The following WDFY4 variants were observed in gnomAD, a reference collection of about 807,000 sequenced individuals.
WDFY4 encodes WDFY family member 4, also known as WD repeat- and FYVE domain-containing protein 4.
A neutral mutation model predicts 351.9 loss-of-function variants in WDFY4; 169 were observed. The ratio of observed to expected loss-of-function variants is 0.48; its 90% confidence interval spans 0.42 to 0.55. The LOEUF is 0.55. WDFY4 is among the 20% of genes least tolerant of loss of function. WDFY4 has a pLI of 0.00. For synonymous variants in WDFY4, 1,622 were observed against 1,574.6 expected, an observed-to-expected ratio of 1.03 and a Z score of -0.71; for missense variants, 3,803 against 3,935.6, an observed-to-expected ratio of 0.97 and a Z score of 0.90.
Position 48,778,688 on chromosome 10 carries a change from A to G in WDFY4, c.3253A>G (p.Thr1085Ala). Residue 1085 changes from threonine (T) to alanine (A), a missense_variant, in exon 18 of 62, where the codon ACT (threonine) becomes GCT (alanine). Thr to Ala is a moderately conservative substitution (Grantham distance 58). Coordinates refer to ENST00000325239, the MANE Select transcript of WDFY4 (RefSeq NM_001394531.1). ...CCTGATCAGCCGGCATGGAGCTGCCACTGAGGGCCACCCGCTGCGCTTCCT... is the reference window on the plus strand; with the variant it reads ...CCTGATCAGCCGGCATGGAGCTGCCGCTGAGGGCCACCCGCTGCGCTTCCT... ...WFLISRHGAA[T>A]EGHPLRFLTL... is the part of the protein sequence containing the mutation. The G allele has an allele frequency of 6.4e-7, 1 of 1,551,656 alleles. No homozygotes were observed.
rs569705419 is a variant in WDFY4 at position 48,721,201 on chromosome 10, A to G, written c.350-60A>G. ...ATCTCCTGGGAAGAGGGGGCCCTGG[A>G]TGGAGGGGAAGCTGAGTGGGCAGGT... On this transcript the variant is annotated intron_variant, in intron 3 of 61. Coordinates refer to ENST00000325239, the MANE Select transcript of WDFY4 (RefSeq NM_001394531.1). The G allele has an allele frequency of 3.6e-5, 54 of 1,493,558 alleles. No homozygotes were observed. In the East Asian group the frequency reaches 1.2e-3, roughly 32 times the overall value. 92.5% of individuals were successfully genotyped at this position (1,493,558 alleles called of 1,614,324 possible). A position where few individuals can be genotyped will look rare whatever the true frequency, so the allele number is the denominator to read the frequency against.
At chr10:48,759,974 CTG>C (rs563011825) in intron 12 of WDFY4, among the ~76,000 whole-genome samples, 92 of 149,424 alleles carry the variant, frequency 6.2e-4, no homozygotes, top group Admixed American at 1.2e-3. Flanking sequence ...ACCCAGAAGC[CTG>C]TGTGTGTGTG....
At chr10:48,732,704 G>A (rs1188822287) in intron 9 of WDFY4, among the ~76,000 whole-genome samples, 1 of 152,218 alleles carries the variant, frequency 6.6e-6, no homozygotes, top group African/African-American at 2.4e-5. Context: ...TTTTAACGAG[G>A]GAATCTCTGA....
intron 39 of WDFY4, among the ~76,000 whole-genome samples, chr10:48,837,725 G>A (rs1483644793): frequency 1.3e-5 from 2 of 152,162 alleles, no homozygotes; most frequent in Non-Finnish European, 2.9e-5. Context: ...AGAGGAATGG[G>A]GTTGAGAGTA....
chr10:48,781,318 T>C (rs1361766346), intron 19 of WDFY4, among the ~76,000 whole-genome samples: 1 of 151,870 alleles, frequency 6.6e-6, no homozygotes, highest in Non-Finnish European at 1.5e-5. Context: ...TTTTTTGAGA[T>C]AGGATTTCGC....
rs2064202189 is a variant in WDFY4 at position 48,724,586 on chromosome 10, G to A, written c.591+1019G>A. Among the ~76,000 whole-genome samples, 4 of 152,106 alleles carry A rather than the reference G, an allele frequency of 2.6e-5. No individual in the cohort carries two copies. The South Asian group carries it at 8.3e-4, about 31-fold the overall frequency. On this transcript the variant is annotated intron_variant, in intron 5 of 61. Transcript: ENST00000325239. ...GGGAAGTAGTGCAGGGTCTGTCTTC[G>A]AGGTCTTCTGGGTATGTGGACAGAA...
rs1260697308 is a variant in WDFY4 at position 48,970,289 on chromosome 10, G to A, written c.8928G>A (p.Gln2976=). The change falls in exon 57 of 62, where the codon CAG becomes CAA. Residue 2976 remains glutamine, a splice_region_variant and synonymous_variant. Coordinates refer to ENST00000325239, the MANE Select transcript of WDFY4 (RefSeq NM_001394531.1). ...KGRPRGLRLR[Q]ALYGHTQAVT... Reference sequence around the variant, plus strand: ...GCCCGAGGGGCTTGCGCCTCCGGCAGGTATGGTCCAGCTCGTGCAGGTGCG... The same window carrying A: ...GCCCGAGGGGCTTGCGCCTCCGGCAAGTATGGTCCAGCTCGTGCAGGTGCG... The A allele has an allele frequency of 6.5e-7, 1 of 1,550,186 alleles. No individual in the cohort carries two copies. Among genetic ancestry groups the A allele is most frequent in the Non-Finnish European group, 8.7e-7 (1 of 1,146,996 alleles).
Position 48,867,280 on chromosome 10 carries a change from A to C in WDFY4, c.6679A>C (p.Ile2227Leu). 12 of 1,479,476 alleles carry C rather than the reference A, an allele frequency of 8.1e-6. No individual in the cohort carries two copies. The highest frequency in any genetic ancestry group is 9.9e-6 in the Non-Finnish European group (11 of 1,109,824). The allele number at this position is 1,479,476 out of a possible 1,614,324, so 91.6% of individuals were successfully genotyped here. A position where few individuals can be genotyped will look rare whatever the true frequency, so the allele number is the denominator to read the frequency against. Residue 2227 changes from isoleucine (I) to leucine (L), a missense_variant, in exon 40 of 62, where the codon ATA (isoleucine) becomes CTA (leucine). Transcript: ENST00000325239. ...CTTTCTCCAGGATTTTGTGTCATGTATAGAGAACTACAGAAGAAGAGGACA... is the reference window on the plus strand; with the variant it reads ...CTTTCTCCAGGATTTTGTGTCATGTCTAGAGAACTACAGAAGAAGAGGACA... ...ECKTEDFVSCIENYRRRGQEL... is the reference protein window; with the variant it reads ...ECKTEDFVSCLENYRRRGQEL...
chr10:48,772,517 C>CTTTTTTTTTTTTTTTTTTTTCTTTTTTT (rs10672319), intron 13 of WDFY4, among the ~76,000 whole-genome samples: 2 of 70,652 alleles, frequency 2.8e-5, no homozygotes, highest in Non-Finnish European at 5.4e-5. Flanking sequence ...GAGGGCAGTT[C>CTTTTTTTTTTTTTTTTTTTTCTTTTTTT]TTTTTTTTTT....
intron 7 of WDFY4, 69 bp from the exon 8 acceptor site, chr10:48,729,363 G>C (rs977742540): frequency 9.8e-6 from 15 of 1,526,124 alleles, no homozygotes; most frequent in Middle Eastern, 2.3e-4. Context: ...GTCTCCTTGA[G>C]AGCACCATGC....
chr10:48,769,907 C>T (rs373935276), intron 13 of WDFY4, among the ~76,000 whole-genome samples: 3 of 152,218 alleles, frequency 2.0e-5, no homozygotes, highest in African/African-American at 4.8e-5. Context: ...ATTTGCCTTG[C>T]GGGCCCAGCC....
chr10:48,834,740 G>C (rs559341060), intron 39 of WDFY4, among the ~76,000 whole-genome samples: 1 of 152,352 alleles, frequency 6.6e-6, no homozygotes, highest in South Asian at 2.1e-4. Flanking sequence ...AGGGTGCTGG[G>C]CATGGGCATT....
At chr10:48,742,905 G>C (rs766279041) in intron 11 of WDFY4, 63 bp from the exon 12 acceptor site, 12 of 1,435,864 alleles carry the variant, frequency 8.4e-6, no homozygotes, top group African/African-American at 2.8e-5. Flanking sequence ...GCAGGAATGT[G>C]TGTGGGCTCA....
intron 30 of WDFY4, among the ~76,000 whole-genome samples, chr10:48,812,140 G>A (rs76902391): frequency 9.9e-5 from 15 of 151,302 alleles, no homozygotes; most frequent in African/African-American, 3.4e-4. Context: ...CCTTCCTTGG[G>A]TGACCTCATC....
intron 7 of WDFY4, among the ~76,000 whole-genome samples, chr10:48,728,209 A>C (rs528291377): frequency 1.3e-5 from 2 of 152,118 alleles, no homozygotes; most frequent in Non-Finnish European, 2.9e-5. Flanking sequence ...CCTCTCCCCT[A>C]CTGGTGTTTT....
rs2064445343 is a variant in WDFY4 at position 48,731,129 on chromosome 10, T to A, written c.1149T>A (p.Leu383=). ...CCTCAGGGGTGACTGTTAAGAATCT[T>A]CAGGCCTTCCAGGTCCTACAGAATG... ...HEASGVTVKN[L]QAFQVLQNVF... is the part of the protein sequence containing the mutation. The change falls in exon 9 of 62, where the codon CTT becomes CTA. Residue 383 remains leucine (L), a synonymous_variant. Coordinates refer to ENST00000325239, the MANE Select transcript of WDFY4 (RefSeq NM_001394531.1). 3.2e-6 allele frequency: 5 copies of A among 1,546,694 alleles called. No individual in the cohort carries two copies. The South Asian group carries it at 6.0e-5, about 19-fold the overall frequency.
chr10:48,847,630 C>T (rs998766001), intron 39 of WDFY4, among the ~76,000 whole-genome samples: 4 of 152,246 alleles, frequency 2.6e-5, no homozygotes, highest in South Asian at 4.1e-4. Flanking sequence ...GGAAGGCCAG[C>T]GTGGCGACAC....
Position 48,741,452 on chromosome 10 carries a change from C to CAAAA in WDFY4, c.1879-1491_1879-1488dup, listed in dbSNP as rs55984300. On this transcript the variant is annotated intron_variant, in intron 11 of 61. Coordinates refer to ENST00000325239, the MANE Select transcript of WDFY4 (RefSeq NM_001394531.1). ...TGGGTGACAGAGCAAGACTCCGTCT[C>CAAAA]AAAAAAAAAAAAAAAAAAAAAAAAA... is the stretch of plus-strand genomic sequence containing the variant. Among the ~76,000 whole-genome samples, 166 of 66,320 alleles carry CAAAA rather than the reference C, an allele frequency of 2.5e-3. 11 individuals are homozygous for CAAAA. The highest frequency in any genetic ancestry group is 3.7e-3 in the Non-Finnish European group (147 of 39,374). 43.5% of individuals were successfully genotyped at this position (66,320 alleles called of 152,430 possible). A position where few individuals can be genotyped will look rare whatever the true frequency, so the allele number is the denominator to read the frequency against.
At position 48,955,307 on chromosome 10, in the gene WDFY4, G is replaced by A. The variant is rs530687808; in HGVS notation, c.7978-1822G>A. Among the ~76,000 whole-genome samples, 11 of 152,338 alleles carry A rather than the reference G, an allele frequency of 7.2e-5. No individual in the cohort carries two copies. The South Asian group carries it at 1.9e-3, about 26-fold the overall frequency. On this transcript the variant is annotated intron_variant, in intron 51 of 61. Transcript: ENST00000325239. ...ACATGTTTAAAGCTGCCCATGTGCTGTGTTTGCTTGAGTCAGTGTCCCTGT... is the reference window on the plus strand; with the variant it reads ...ACATGTTTAAAGCTGCCCATGTGCTATGTTTGCTTGAGTCAGTGTCCCTGT...
Sources: gnomAD v4.1 joint callset for allele counts (sites outside exome capture counted in the v4.1 genomes callset) on GRCh38, gnomAD v4.1.1 for gene constraint, MANE v1.5 for transcripts, NCBI Gene and HGNC (gene_info 2026-07-23, HGNC 2026-07-21) for gene names.